The following PKN2 variants were observed in gnomAD, a reference collection of about 807,000 sequenced individuals.
PKN2 encodes protein kinase N2.
A neutral mutation model predicts 119.1 loss-of-function variants in PKN2; 38 were observed. The ratio of observed to expected loss-of-function variants is 0.32; its 90% confidence interval spans 0.25 to 0.42. PKN2 has a LOEUF of 0.42. PKN2 is among the 10% of genes least tolerant of loss of function. PKN2 has a pLI of 1.00. For synonymous variants in PKN2, 390 were observed against 384.9 expected, an observed-to-expected ratio of 1.01 and a Z score of -0.15; for missense variants, 850 against 1,165.1, an observed-to-expected ratio of 0.73 and a Z score of 3.94.
chr1:88,771,458 A>G lies in PKN2; in HGVS notation c.660A>G (p.Glu220=). 6.2e-7 allele frequency: 1 copy of G among 1,606,342 alleles called. No individual in the cohort carries two copies. Among genetic ancestry groups the G allele is most frequent in the Non-Finnish European group, 8.5e-7 (1 of 1,177,258 alleles). The change falls in exon 5 of 22, where the codon GAA becomes GAG. Residue 220 remains glutamate, a synonymous_variant. Coordinates refer to ENST00000370521, the MANE Select transcript of PKN2 (RefSeq NM_006256.4). ...TAAGTCCTCTTGAACTTCGGATGGA[A>G]GAATTAAGGCATCATTTTAGGATAG... ...PVISPLELRM[E]ELRHHFRIEF...
chr1:88,704,313 T>C (rs1435051727), intron 1 of PKN2, among the ~76,000 whole-genome samples: 1 of 152,188 alleles, frequency 6.6e-6, no homozygotes, highest in Non-Finnish European at 1.5e-5. Flanking sequence ...CTGCAGTATG[T>C]ATCGGTAGTT....
intron 1 of PKN2, among the ~76,000 whole-genome samples, chr1:88,737,016 G>T (rs1055960035): frequency 2.0e-5 from 3 of 152,158 alleles, no homozygotes; most frequent in Non-Finnish European, 2.9e-5. Context: ...GCAACATTGT[G>T]TACCTGTTCC....
intron 1 of PKN2, among the ~76,000 whole-genome samples, chr1:88,736,536 A>G (rs1460227850): frequency 6.6e-6 from 1 of 151,828 alleles, no homozygotes; most frequent in Admixed American, 6.6e-5. Flanking sequence ...GCTAATTTTT[A>G]TATTTTTTAG....
At chr1:88,717,434 A>G (rs1667500029) in intron 1 of PKN2, among the ~76,000 whole-genome samples, 1 of 152,090 alleles carries the variant, frequency 6.6e-6, no homozygotes, top group Admixed American at 6.5e-5. Flanking sequence ...AGGTACACCA[A>G]TCAGACGTAG....
chr1:88,805,473 TTTTG>T lies in PKN2; in HGVS notation c.1502-20_1502-17del, dbSNP rs779944425. ...TATACATAAAGAAATTACTTGCTGT[TTTTG>T]TTTTTTTCAACATCTACAGGCAAAA... On this transcript the variant is annotated intron_variant, in intron 10 of 21. Transcript: ENST00000370521. 6.5e-7 allele frequency: 1 copy of T among 1,544,156 alleles called. No homozygotes were observed. Among genetic ancestry groups the T allele is most frequent in the South Asian group, 1.2e-5 (1 of 82,024 alleles).
At position 88,835,885 on chromosome 1, in the gene PKN2, C is replaced by CA. The variant is rs988074766; in HGVS notation, c.*2440dup. On this transcript the variant is annotated 3_prime_UTR_variant, in exon 22 of 22. Coordinates refer to ENST00000370521, the MANE Select transcript of PKN2 (RefSeq NM_006256.4). Reference sequence around the variant, plus strand: ...TTTAACTTTTCTGTGTTCAAAATCTCAAAGACTAATTAACTTTAATAAACA... The same window carrying CA: ...TTTAACTTTTCTGTGTTCAAAATCTCAAAAGACTAATTAACTTTAATAAACA... 1 of 152,194 alleles carries CA rather than the reference C, an allele frequency of 6.6e-6. No homozygotes were observed. The highest frequency in any genetic ancestry group is 2.4e-5 in the African/African-American group (1 of 41,450). 9.4% of individuals were successfully genotyped at this position (152,194 alleles called of 1,614,324 possible).
At chr1:88,703,217 A>G (rs971075643) in intron 1 of PKN2, among the ~76,000 whole-genome samples, 2 of 152,086 alleles carry the variant, frequency 1.3e-5, no homozygotes, top group Non-Finnish European at 2.9e-5. Context: ...TTTTTAATGT[A>G]TAGTGAGAGA....
chr1:88,781,038 C>A, intron 6 of PKN2: 1 of 1,006,018 alleles, frequency 9.9e-7, no homozygotes, highest in Non-Finnish European at 1.2e-6. Flanking sequence ...ATTCTTAAGA[C>A]ATTTTTAAAA....
chr1:88,829,329 C>T (rs1672639297), intron 19 of PKN2: 6 of 505,710 alleles, frequency 1.2e-5, no homozygotes, highest in South Asian at 4.5e-5. Context: ...GTATTCGCTA[C>T]ACCAACAGCT....
chr1:88,787,667 A>G (rs1275753587), intron 8 of PKN2, among the ~76,000 whole-genome samples: 5 of 152,230 alleles, frequency 3.3e-5, no homozygotes, highest in Admixed American at 2.6e-4. Flanking sequence ...AGACTGTGAT[A>G]ACTGTTATTT....
chr1:88,820,191 T>TA (rs1672196909), intron 16 of PKN2, among the ~76,000 whole-genome samples: 1 of 13,530 alleles, frequency 7.4e-5, no homozygotes, highest in African/African-American at 9.7e-5. Flanking sequence ...TATATATATA[T>TA]ATATATATAT....
chr1:88,733,935 G>T (rs2100731309), intron 1 of PKN2, among the ~76,000 whole-genome samples: 1 of 152,246 alleles, frequency 6.6e-6, no homozygotes, highest in South Asian at 2.1e-4. Context: ...CAAGGCAGGA[G>T]GATCACTTGA....
At chr1:88,744,054 C>T (rs1668675436) in intron 2 of PKN2, among the ~76,000 whole-genome samples, 1 of 151,924 alleles carries the variant, frequency 6.6e-6, no homozygotes, top group Non-Finnish European at 1.5e-5. Context: ...GGTAATAAGT[C>T]ATTTTCTCTT....
chr1:88,763,834 T>C (rs1476749778), intron 3 of PKN2, among the ~76,000 whole-genome samples: 2 of 152,178 alleles, frequency 1.3e-5, no homozygotes, highest in African/African-American at 4.8e-5. Flanking sequence ...CTTAGATCGG[T>C]TATGTGGATA....
intron 15 of PKN2, among the ~76,000 whole-genome samples, chr1:88,809,850 A>G (rs138293110): frequency 1.3e-5 from 2 of 151,668 alleles, no homozygotes; most frequent in South Asian, 2.1e-4. Context: ...CCTGGCTTCA[A>G]GCGATCCTCC....
rs553554095 is a variant in PKN2 at position 88,684,467 on chromosome 1, G to GT, written c.-101dup. 0.11 allele frequency: 66,288 copies of GT among 619,346 alleles called. No individual in the cohort carries two copies. Among genetic ancestry groups the GT allele is most frequent in the South Asian group, 0.17 (7,603 of 43,976 alleles). The allele number at this position is 619,346 out of a possible 1,614,324, so 38.4% of individuals were successfully genotyped here. A position where few individuals can be genotyped will look rare whatever the true frequency, so the allele number is the denominator to read the frequency against. On this transcript the variant is annotated 5_prime_UTR_variant, in exon 1 of 22. Coordinates refer to ENST00000370521, the MANE Select transcript of PKN2 (RefSeq NM_006256.4). ...GCTGCGCCTCCATGAATCCCTAGTT[G>GT]TTTTTTTTTTTTTCTTTCTCTCCCC...
At position 88,718,816 on chromosome 1, in the gene PKN2, A is replaced by T. The variant is rs541776433; in HGVS notation, c.49-22172A>T. Among the ~76,000 whole-genome samples, 20 of 152,228 alleles carry T rather than the reference A, an allele frequency of 1.3e-4. 1 individual carries two copies. The South Asian group carries it at 4.1e-3, about 32-fold the overall frequency. On this transcript the variant is annotated intron_variant, in intron 1 of 21. Transcript: ENST00000370521. ...ATAGCTTTCCCCCTTTAGTTTTTGTATCATTTCTTCCCTGTTTATTATAAG... is the reference window on the plus strand; with the variant it reads ...ATAGCTTTCCCCCTTTAGTTTTTGTTTCATTTCTTCCCTGTTTATTATAAG...
chr1:88,685,689 A>G (rs529277392), intron 1 of PKN2, among the ~76,000 whole-genome samples: 1 of 152,264 alleles, frequency 6.6e-6, no homozygotes, highest in South Asian at 2.1e-4. Flanking sequence ...TTAGCTACTC[A>G]AAGATTGTAG....
chr1:88,764,914 GTTGTT>G lies in PKN2; in HGVS notation c.504+4561_504+4565del, dbSNP rs373234738. On this transcript the variant is annotated intron_variant, in intron 3 of 21. Coordinates refer to ENST00000370521, the MANE Select transcript of PKN2 (RefSeq NM_006256.4). ...ATGCCTCCTGTTTTTTGTTGTTATT[GTTGTT>G]TTGTTTTGTTTTGTTTTGTTTTTGA... Among the ~76,000 whole-genome samples, 299 of 151,864 alleles carry G rather than the reference GTTGTT, an allele frequency of 2.0e-3. 2 individuals are homozygous for G. The highest frequency in any genetic ancestry group is 1.9e-3 in the African/African-American group (80 of 41,460).
Sources: allele counts gnomAD v4.1 joint callset (sites outside exome capture counted in the v4.1 genomes callset), GRCh38; gene constraint gnomAD v4.1.1; transcripts MANE v1.5; gene names NCBI Gene and HGNC (gene_info 2026-07-23, HGNC 2026-07-21).